The following SH3RF1 variants were observed in gnomAD, a reference collection of about 807,000 sequenced individuals.
The protein encoded by SH3RF1 is E3 ubiquitin-protein ligase SH3RF1.
Under a neutral mutation model 74.0 loss-of-function variants are expected in SH3RF1, and 32 were observed. The observed-to-expected ratio is 0.43, with a 90% CI of 0.33 to 0.58. The LOEUF (loss-of-function observed/expected upper bound fraction) is 0.58, where lower values mean the gene tolerates loss of function less well. Among genes scored for constraint, SH3RF1 ranks in the 20% least tolerant of loss-of-function variants. The pLI is 0.05. For synonymous variants in SH3RF1, 396 were observed against 439.6 expected (o/e 0.90, Z 1.24); for missense variants, 954 against 1,130.9 (o/e 0.84, Z 2.24).
Position 169,269,215 on chromosome 4 carries a change from T to C in SH3RF1, c.-3A>G. ...TCCAACAAGGCTGATTCATCCATCT[T>C]TATCTACTTTACTGAGAAAAAATCT... is the stretch of plus-strand genomic sequence containing the variant. On this transcript the variant is annotated 5_prime_UTR_variant, in exon 2 of 12. Transcript: ENST00000284637. 1 of 1,562,504 alleles carries C rather than the reference T, an allele frequency of 6.4e-7. No individual in the cohort carries two copies.
intron 10 of SH3RF1, among the ~76,000 whole-genome samples, chr4:169,107,743 T>A (rs540971368): frequency 6.6e-6 from 1 of 152,212 alleles, no homozygotes; most frequent in Non-Finnish European, 1.5e-5. Context: ...GTGAGCCTTA[T>A]CATTTACAGG....
At chr4:169,152,841 G>A (rs1343636850) in intron 4 of SH3RF1, among the ~76,000 whole-genome samples, 1 of 152,156 alleles carries the variant, frequency 6.6e-6, no homozygotes, top group African/African-American at 2.4e-5. Flanking sequence ...GTCACATGAT[G>A]TTGAGGAAGA....
chr4:169,101,416 C>T (rs1041430642), intron 11 of SH3RF1, among the ~76,000 whole-genome samples: 2 of 151,724 alleles, frequency 1.3e-5, no homozygotes, highest in African/African-American at 2.4e-5. Context: ...AAGTCACTTA[C>T]GGGGAGAGAA....
At position 169,177,110 on chromosome 4, in the gene SH3RF1, A is replaced by T. The variant is rs980351244; in HGVS notation, c.394-20431T>A. Among the ~76,000 whole-genome samples the T allele has an allele frequency of 3.3e-5, 5 of 152,186 alleles. 1 individual carries two copies. Among genetic ancestry groups the T allele is most frequent in the Admixed American group, 1.3e-4 (2 of 15,262 alleles). On this transcript the variant is annotated intron_variant, in intron 2 of 11. Transcript: ENST00000284637. ...ACAACTCTTCAAAGCACTGTTGGTTACTTATATTTGATGGATAATAAGCCA... is the reference window on the plus strand; with the variant it reads ...ACAACTCTTCAAAGCACTGTTGGTTTCTTATATTTGATGGATAATAAGCCA...
chr4:169,183,861 T>C (rs1187073539), intron 2 of SH3RF1, among the ~76,000 whole-genome samples: 1 of 152,156 alleles, frequency 6.6e-6, no homozygotes, highest in Admixed American at 6.5e-5. Context: ...GCTAAAATAC[T>C]AGAAATGTAG....
At chr4:169,209,151 C>T (rs1412459218) in intron 2 of SH3RF1, among the ~76,000 whole-genome samples, 7 of 151,730 alleles carry the variant, frequency 4.6e-5, no homozygotes, top group African/African-American at 1.2e-4. Flanking sequence ...CAGCCAGACA[C>T]GGTGGCACGC....
In SH3RF1 at chr4:169,160,552, A is replaced by G. The variant is rs143307010; in HGVS notation, c.394-3873T>C. 7.6e-3 allele frequency among the ~76,000 whole-genome samples: 1,154 copies of G among 152,336 alleles called. 36 individuals carry two copies. Among genetic ancestry groups the G allele is most frequent in the Admixed American group, 0.046 (711 of 15,302 alleles). On this transcript the variant is annotated intron_variant, in intron 2 of 11. Coordinates refer to ENST00000284637, the MANE Select transcript of SH3RF1 (RefSeq NM_020870.4). Reference sequence around the variant, plus strand: ...ACTGCTAAAATTGTTTCAATGATCAATAACCACAAAGAATCATAAAGCTTA... The same window carrying G: ...ACTGCTAAAATTGTTTCAATGATCAGTAACCACAAAGAATCATAAAGCTTA...
At chr4:169,216,558 C>T (rs1730467058) in intron 2 of SH3RF1, among the ~76,000 whole-genome samples, 1 of 152,130 alleles carries the variant, frequency 6.6e-6, no homozygotes, top group Non-Finnish European at 1.5e-5. Context: ...AATGCTTTCT[C>T]CGCCAGGAAT....
chr4:169,116,733 G>A, intron 9 of SH3RF1, 103 bp from the exon 10 acceptor site: 1 of 1,404,936 alleles, frequency 7.1e-7, no homozygotes, highest in Non-Finnish European at 9.4e-7. Context: ...ATGAAAGGCT[G>A]CTATTGTATT....
At position 169,096,681 on chromosome 4, in the gene SH3RF1, C is replaced by T. The variant is rs1459664262; in HGVS notation, c.2505G>A (p.Arg835=). ...ESRPVVCERH[R]VVVSYPPQSE... is the part of the protein sequence containing the mutation. ...TCTGAGGAGGATAGGAAACCACCAC[C>T]CTGTGCCTAGAAAAGAAAGAGATTT... Residue 835 remains arginine (R), a synonymous_variant, in exon 12 of 12, where the codon AGG becomes AGA. Transcript: ENST00000284637. 6.2e-7 allele frequency: 1 copy of T among 1,605,806 alleles called. No individual in the cohort carries two copies. The highest frequency in any genetic ancestry group is 1.3e-5 in the African/African-American group (1 of 74,310).
chr4:169,164,671 T>A (rs1444039688), intron 2 of SH3RF1, among the ~76,000 whole-genome samples: 1 of 152,240 alleles, frequency 6.6e-6, no homozygotes, highest in Non-Finnish European at 1.5e-5. Flanking sequence ...TCAACTTCAC[T>A]GTGTTCTAGA....
intron 2 of SH3RF1, among the ~76,000 whole-genome samples, chr4:169,237,781 C>T (rs1238383150): frequency 6.6e-6 from 1 of 152,036 alleles, no homozygotes; most frequent in Non-Finnish European, 1.5e-5. Flanking sequence ...AAAGAGTATA[C>T]CCTACAGTCT....
chr4:169,129,979 G>T, intron 6 of SH3RF1, 67 bp downstream of exon 6: 1 of 1,235,622 alleles, frequency 8.1e-7, no homozygotes, highest in Non-Finnish European at 1.2e-6. Flanking sequence ...GTTAGGAGGT[G>T]GAGTGTGCCA....
chr4:169,150,005 C>T (rs1023546483), intron 4 of SH3RF1, among the ~76,000 whole-genome samples: 2 of 152,158 alleles, frequency 1.3e-5, no homozygotes, highest in African/African-American at 4.8e-5. Context: ...TCTCTCATTC[C>T]CTAGAAGAGG....
At chr4:169,153,688 T>A (rs535851458) in intron 4 of SH3RF1, among the ~76,000 whole-genome samples, 105 of 152,302 alleles carry the variant, frequency 6.9e-4, no homozygotes, top group Non-Finnish European at 1.5e-3. Flanking sequence ...GGAAGTTCAA[T>A]CTGATGGCTT....
intron 2 of SH3RF1, among the ~76,000 whole-genome samples, chr4:169,175,652 T>A (rs1015734959): frequency 6.6e-6 from 1 of 152,170 alleles, no homozygotes; most frequent in South Asian, 2.1e-4. Context: ...CTTTCTACCC[T>A]GCTCGTTTTC....
intron 9 of SH3RF1, 109 bp from the exon 10 acceptor site, chr4:169,116,739 G>A: frequency 1.4e-6 from 2 of 1,383,306 alleles, no homozygotes; most frequent in Non-Finnish European, 1.9e-6. Context: ...GGCTGCTATT[G>A]TATTTATTAC....
chr4:169,184,810 G>C (rs1734577469), intron 2 of SH3RF1, among the ~76,000 whole-genome samples: 2 of 152,160 alleles, frequency 1.3e-5, no homozygotes, highest in South Asian at 4.1e-4. Flanking sequence ...ATCATATCTT[G>C]ATTAGCATCA....
At chr4:169,219,451 C>T (rs1370521762) in intron 2 of SH3RF1, among the ~76,000 whole-genome samples, 9 of 152,130 alleles carry the variant, frequency 5.9e-5, no homozygotes, top group Non-Finnish European at 2.9e-5. Flanking sequence ...GGAGTCATTA[C>T]TTTATTTTCA....
Sources: gnomAD v4.1 joint callset for allele counts (sites outside exome capture counted in the v4.1 genomes callset) on GRCh38, gnomAD v4.1.1 for gene constraint, MANE v1.5 for transcripts, NCBI Gene and HGNC (gene_info 2026-07-23, HGNC 2026-07-21) for gene names.